Variants in AHDC1 observed in about 807,000 individuals in gnomAD.
AHDC1 encodes AT-hook DNA binding motif containing 1.
A neutral mutation model predicts 87.9 loss-of-function variants in AHDC1; 7 were observed. The observed-to-expected ratio is 0.08, with a 90% CI of 0.05 to 0.15. The LOEUF is 0.15. Ranked by LOEUF, AHDC1 falls within the 10% of genes least tolerant of loss-of-function variation. The probability of loss-of-function intolerance (pLI) is 1.00; values close to 1 mark genes in which losing one functional copy is unlikely to be tolerated. For synonymous variants in AHDC1, 1,051 were observed against 1,006.8 expected (o/e 1.04, Z -0.83); for missense variants, 1,841 against 2,253.2 (o/e 0.82, Z 3.70).
intron 5 of AHDC1, among the ~76,000 whole-genome samples, chr1:27,556,857 T>C (rs900774481): frequency 6.6e-6 from 1 of 152,012 alleles, no homozygotes; most frequent in African/African-American, 2.4e-5. Context: ...TCTCAGCTTC[T>C]AGTCACCACC....
At chr1:27,601,316 G>C (rs2089523247) in intron 3 of AHDC1, among the ~76,000 whole-genome samples, 1 of 152,250 alleles carries the variant, frequency 6.6e-6, no homozygotes, top group African/African-American at 2.4e-5. Context: ...GGCACAGTTA[G>C]GCACTGACCA....
At chr1:27,582,903 G>A (rs1277726542) in intron 3 of AHDC1, among the ~76,000 whole-genome samples, 3 of 152,120 alleles carry the variant, frequency 2.0e-5, no homozygotes, top group Admixed American at 2.0e-4. Flanking sequence ...TGTCCAGATG[G>A]GGGTTTATTT....
Position 27,595,102 on chromosome 1 carries a change from G to C in AHDC1, c.-629+8295C>G, listed in dbSNP as rs1430975074. ...TATTAGAAGCTTCGGGGCCTGATCT[G>C]TTAGAGATATACTAGAACCGAAGCC... On this transcript the variant is annotated intron_variant, in intron 3 of 8. Transcript: ENST00000673934. The surrounding 1 kb of genome is among the most constrained non-coding windows in gnomAD (Gnocchi z 4.0). Among the ~76,000 whole-genome samples, 1 of 152,094 alleles carries C rather than the reference G, an allele frequency of 6.6e-6. No homozygotes were observed. The highest frequency in any genetic ancestry group is 2.4e-5 in the African/African-American group (1 of 41,380).
chr1:27,584,368 T>C (rs1366222391), intron 3 of AHDC1, among the ~76,000 whole-genome samples: 2 of 152,222 alleles, frequency 1.3e-5, no homozygotes, highest in African/African-American at 4.8e-5. Context: ...TTTATCTCAT[T>C]TGAGCCTCAC....
rs1260087900 is a variant in AHDC1 at position 27,563,168 on chromosome 1, C to G, written c.-628-4285G>C. Among the ~76,000 whole-genome samples the G allele has an allele frequency of 6.6e-6, 1 of 150,870 alleles. No homozygotes were observed. The highest frequency in any genetic ancestry group is 1.5e-5 in the Non-Finnish European group (1 of 67,718). Reference sequence around the variant, plus strand: ...ACACACCCACACAAAGAACCTGTCACATAGTTGACCAAGACACACACACAT... The same window carrying G: ...ACACACCCACACAAAGAACCTGTCAGATAGTTGACCAAGACACACACACAT... On this transcript the variant is annotated intron_variant, in intron 3 of 8. Transcript: ENST00000673934. The surrounding 1 kb of genome is among the most constrained non-coding windows in gnomAD (Gnocchi z 6.1).
rs1376914065 is a variant in AHDC1 at position 27,561,337 on chromosome 1, C to T, written c.-628-2454G>A. On this transcript the variant is annotated intron_variant, in intron 3 of 8. Coordinates refer to ENST00000673934, the MANE Select transcript of AHDC1 (RefSeq NM_001371928.1). The surrounding 1 kb of genome is among the most constrained non-coding windows in gnomAD (Gnocchi z 4.2). Reference sequence around the variant, plus strand: ...GAGTCTGCATGGGGTCTGCCTGGCCCTGAGTGTTGGGGGGGAACTTCAGGA... The same window carrying T: ...GAGTCTGCATGGGGTCTGCCTGGCCTTGAGTGTTGGGGGGGAACTTCAGGA... Among the ~76,000 whole-genome samples the T allele has an allele frequency of 6.6e-6, 1 of 150,816 alleles. No individual in the cohort carries two copies. The highest frequency in any genetic ancestry group is 6.6e-5 in the Admixed American group (1 of 15,250).
Position 27,589,847 on chromosome 1 carries a change from G to A in AHDC1, c.-629+13550C>T, listed in dbSNP as rs1012529775. Reference sequence around the variant, plus strand: ...GGAGAGAACCAACCCTTCACCCTCCGCCCTGGGGGAGCCAGTGGGGCCAGG... The same window carrying A: ...GGAGAGAACCAACCCTTCACCCTCCACCCTGGGGGAGCCAGTGGGGCCAGG... On this transcript the variant is annotated intron_variant, in intron 3 of 8. Transcript: ENST00000673934. Among the ~76,000 whole-genome samples the A allele has an allele frequency of 2.6e-5, 4 of 152,244 alleles. No individual in the cohort carries two copies. In the South Asian group the frequency reaches 6.2e-4, roughly 24 times the overall value.
intron 3 of AHDC1, among the ~76,000 whole-genome samples, chr1:27,589,424 A>G (rs2089160447): frequency 6.6e-6 from 1 of 151,978 alleles, no homozygotes; most frequent in Non-Finnish European, 1.5e-5. Flanking sequence ...TCTGCATGGC[A>G]GTGTCTGGTT....
intron 8 of AHDC1, among the ~76,000 whole-genome samples, chr1:27,538,590 C>A (rs1300655724): frequency 1.3e-5 from 2 of 151,604 alleles, no homozygotes; most frequent in East Asian, 4.0e-4. Flanking sequence ...TCACGGCTCA[C>A]TGCAACCTCC....
At chr1:27,588,207 C>G (rs1195234737) in intron 3 of AHDC1, among the ~76,000 whole-genome samples, 1 of 152,196 alleles carries the variant, frequency 6.6e-6, no homozygotes, top group Non-Finnish European at 1.5e-5. Context: ...ATTCCCACTG[C>G]CTGGAACACC....
chr1:27,592,895 C>A (rs116050508), intron 3 of AHDC1, among the ~76,000 whole-genome samples: 4,659 of 152,176 alleles, frequency 0.031, 233 homozygotes, highest in African/African-American at 0.1. Flanking sequence ...GGCTTGGGCC[C>A]CTGGCCCAAG....
chr1:27,595,744 A>G lies in AHDC1; in HGVS notation c.-629+7653T>C, dbSNP rs944986437. Among the ~76,000 whole-genome samples the G allele has an allele frequency of 2.0e-5, 3 of 151,994 alleles. No homozygotes were observed. The highest frequency in any genetic ancestry group is 7.3e-5 in the African/African-American group (3 of 41,328). ...GTCTCTGATATCAGAGATGTGCCAC[A>G]GGCTATCGTCCGTGCATGCACAGGT... On this transcript the variant is annotated intron_variant, in intron 3 of 8. Transcript: ENST00000673934. This position sits in a 1 kb window ranked among gnomAD's most constrained non-coding sequence, Gnocchi z 4.0.
At position 27,548,011 on chromosome 1, in the gene AHDC1, T is replaced by C; in HGVS notation, c.4105A>G (p.Ser1369Gly). ...FGQGFHCDSP[S>G]LGAPELDGKH... ...CCATCAAGCTCGGGAGCACCCAGGC[T>C]GGGCGAGTCGCAGTGGAAGCCTTGG... Residue 1369 changes from serine (S) to glycine (G), a missense_variant, in exon 8 of 9, where the codon AGC becomes GGC. Physicochemically the swap from Ser to Gly is moderately conservative, Grantham distance 56. Coordinates refer to ENST00000673934, the MANE Select transcript of AHDC1 (RefSeq NM_001371928.1). 6.2e-7 allele frequency: 1 copy of C among 1,609,910 alleles called. No homozygotes were observed. Among genetic ancestry groups the C allele is most frequent in the Non-Finnish European group, 8.5e-7 (1 of 1,176,858 alleles).
intron 3 of AHDC1, among the ~76,000 whole-genome samples, chr1:27,575,279 G>A (rs1033852056): frequency 6.6e-6 from 1 of 152,220 alleles, no homozygotes; most frequent in Admixed American, 6.5e-5. Context: ...TCTGGCTCCT[G>A]GAGGAGGTGA....
At position 27,550,070 on chromosome 1, in the gene AHDC1, A is replaced by C; in HGVS notation, c.2046T>G (p.His682Gln). ...AGGFGGRGGG[H>Q]AAKSARCSFS... ...AGGAGCATCGGGCTGACTTGGCCGC[A>C]TGGCCCCCACCCCGGCCACCAAAAC... Residue 682 changes from histidine to glutamine, a missense_variant, in exon 8 of 9, where the codon CAT becomes CAG. By Grantham distance (24) the His-to-Gln change is conservative (BLOSUM62 0). This residue lies in a region of AHDC1 where 236 missense variants were observed against 257.9 expected (regional missense o/e 0.92). Transcript: ENST00000673934. 6.2e-7 allele frequency: 1 copy of C among 1,607,326 alleles called. No homozygotes were observed. Among genetic ancestry groups the C allele is most frequent in the East Asian group, 2.2e-5 (1 of 44,704 alleles).
chr1:27,544,719 AG>A (rs1470283304), intron 8 of AHDC1, among the ~76,000 whole-genome samples: 3 of 152,082 alleles, frequency 2.0e-5, no homozygotes, highest in African/African-American at 7.2e-5. Context: ...GTTGCCCTAG[AG>A]CCTGTGGGTC....
chr1:27,592,583 C>A lies in AHDC1; in HGVS notation c.-629+10814G>T, dbSNP rs76966948. Among the ~76,000 whole-genome samples the A allele has an allele frequency of 8.6e-3, 1,296 of 150,974 alleles. 2 individuals carry two copies. Among genetic ancestry groups the A allele is most frequent in the Middle Eastern group, 0.017 (5 of 294 alleles). On this transcript the variant is annotated intron_variant, in intron 3 of 8. Coordinates refer to ENST00000673934, the MANE Select transcript of AHDC1 (RefSeq NM_001371928.1). ...CAAACATCCCCCGCCCTCCCCCCCC[C>A]AGGCCCTGCTCTTAGCTGAGCTGAG...
intron 3 of AHDC1, among the ~76,000 whole-genome samples, chr1:27,564,282 C>T (rs1174018213): frequency 2.0e-5 from 3 of 151,898 alleles, no homozygotes; most frequent in Non-Finnish European, 4.4e-5. Context: ...TCTTTGGCTT[C>T]GGGGAGGGGG....
At chr1:27,585,621 A>T (rs923454104) in intron 3 of AHDC1, among the ~76,000 whole-genome samples, 5 of 152,218 alleles carry the variant, frequency 3.3e-5, no homozygotes, top group Non-Finnish European at 7.3e-5. Context: ...ACACACAAGG[A>T]AACGGGAAGA....
Sources: allele counts gnomAD v4.1 joint callset (sites outside exome capture counted in the v4.1 genomes callset), GRCh38; gene constraint gnomAD v4.1.1; regional missense constraint gnomAD v4.1.1; non-coding constraint Gnocchi (gnomAD v3.1); transcripts MANE v1.5; gene names NCBI Gene and HGNC (gene_info 2026-07-23, HGNC 2026-07-21).